ELP4: variants seen among roughly 807,000 people sequenced by gnomAD.
ELP4 encodes the protein elongator acetyltransferase complex subunit 4.
Under a neutral mutation model 48.9 loss-of-function variants are expected in ELP4, and 51 were observed. The ratio of observed to expected loss-of-function variants is 1.04; its 90% CI spans 0.83 to 1.32. ELP4 has a LOEUF of 1.32. ELP4 is among the 40% of genes most tolerant of loss of function. The pLI is 0.00. For synonymous variants in ELP4, 210 were observed against 189.2 expected (o/e 1.11, Z -0.90); for missense variants, 519 against 514.6 (o/e 1.01, Z -0.08).
chr11:31,652,462 T>A (rs1239754098), intron 9 of ELP4: 4 of 151,680 alleles, frequency 2.6e-5, no homozygotes, highest in Non-Finnish European at 4.4e-5. Context: ...GTCTTTGTAA[T>A]ATATTAAAGA....
intron 3 of ELP4, among the ~76,000 whole-genome samples, chr11:31,587,592 C>T (rs925382525): frequency 6.6e-6 from 1 of 151,926 alleles, no homozygotes; most frequent in Admixed American, 6.6e-5. Context: ...TTGATCAGTT[C>T]AATAGTTCTT....
At chr11:31,580,955 A>G (rs985122740) in intron 3 of ELP4, among the ~76,000 whole-genome samples, 8 of 152,192 alleles carry the variant, frequency 5.3e-5, no homozygotes, top group African/African-American at 1.9e-4. Flanking sequence ...AAGTGTGTAC[A>G]TGATGACAAT....
At chr11:31,674,991 G>A (rs943396991) in intron 9 of ELP4, among the ~76,000 whole-genome samples, 1 of 151,794 alleles carries the variant, frequency 6.6e-6, no homozygotes, top group Non-Finnish European at 1.5e-5. Context: ...TGTACACAAC[G>A]TGGCAGTAAC....
intron 5 of ELP4, among the ~76,000 whole-genome samples, chr11:31,610,062 T>G (rs1957948506): frequency 6.6e-6 from 1 of 151,638 alleles, no homozygotes; most frequent in African/African-American, 2.4e-5. Flanking sequence ...AACAGAAAAT[T>G]TACACTCACA....
chr11:31,668,721 T>TGTGTGTGTGTGTGTGTG (rs1565103640), intron 9 of ELP4, among the ~76,000 whole-genome samples: 5 of 92,594 alleles, frequency 5.4e-5, no homozygotes, highest in South Asian at 4.3e-4. Flanking sequence ...TGTGTGTGTG[T>TGTGTGTGTGTGTGTGTG]AAGAACCCTG....
rs184578455 is a variant in ELP4 at position 31,694,716 on chromosome 11, A to G, written c.1143+44495A>G. On this transcript the variant is annotated intron_variant, in intron 9 of 9. Coordinates refer to ENST00000640961, the MANE Select transcript of ELP4 (RefSeq NM_019040.5). ...CTGTGAAGAAAGTCATTGGTAGCTT[A>G]ATGGGGATGGCATTGACTATAAATT... Among the ~76,000 whole-genome samples, 634 of 152,200 alleles carry G rather than the reference A, an allele frequency of 4.2e-3. 3 individuals are homozygous for G. The highest frequency in any genetic ancestry group is 0.015 in the African/African-American group (603 of 41,558).
At position 31,682,167 on chromosome 11, in the gene ELP4, A is replaced by G. The variant is rs556566458; in HGVS notation, c.1143+31946A>G. On this transcript the variant is annotated intron_variant, in intron 9 of 9. Transcript: ENST00000640961. ...TTTCAGCCAAGCTATTGACAAATCT[A>G]AGAGAGATTTAAGTGAAGAGCTGTA... 5.3e-5 allele frequency: 54 copies of G among 1,026,026 alleles called. No individual in the cohort carries two copies. In the African/African-American group the frequency reaches 7.2e-4, roughly 14 times the overall value. 63.6% of individuals were successfully genotyped at this position (1,026,026 alleles called of 1,614,324 possible).
At chr11:31,546,107 A>C (rs531130622) in intron 3 of ELP4, among the ~76,000 whole-genome samples, 15 of 152,140 alleles carry the variant, frequency 9.9e-5, no homozygotes, top group Non-Finnish European at 2.2e-4. Context: ...TAACATTATA[A>C]TGACAGGTTC....
At chr11:31,570,767 T>A (rs1296544828) in intron 3 of ELP4, among the ~76,000 whole-genome samples, 1 of 146,592 alleles carries the variant, frequency 6.8e-6, no homozygotes, top group African/African-American at 2.5e-5. Context: ...CGTGAGCCAT[T>A]GTGCCTGGCC....
intron 1 of ELP4, chr11:31,510,398 A>G (rs1435642116): frequency 1.2e-5 from 5 of 416,080 alleles, no homozygotes; most frequent in Non-Finnish European, 2.1e-5. Flanking sequence ...CAGCCTGCAA[A>G]AGTTTTTATA....
intron 3 of ELP4, among the ~76,000 whole-genome samples, chr11:31,540,521 A>G (rs1222604994): frequency 1.3e-5 from 2 of 152,136 alleles, no homozygotes; most frequent in African/African-American, 2.4e-5. Context: ...AGGTCTCACT[A>G]TGTTGCCAGA....
At chr11:31,628,704 C>T (rs1219179501) in intron 6 of ELP4, among the ~76,000 whole-genome samples, 2 of 151,658 alleles carry the variant, frequency 1.3e-5, no homozygotes, top group Non-Finnish European at 2.9e-5. Context: ...ATGGTGAATA[C>T]CAAAACTTTT....
At chr11:31,675,463 C>G (rs1945902932) in intron 9 of ELP4, among the ~76,000 whole-genome samples, 1 of 152,032 alleles carries the variant, frequency 6.6e-6, no homozygotes, top group Non-Finnish European at 1.5e-5. Flanking sequence ...AGGGTTTCTC[C>G]ATGTTGAGGC....
At chr11:31,733,866 G>A (rs191498945) in intron 9 of ELP4, among the ~76,000 whole-genome samples, 3 of 152,104 alleles carry the variant, frequency 2.0e-5, no homozygotes, top group East Asian at 3.9e-4. Context: ...TTCATTTTAT[G>A]AGGCCAGCAT....
chr11:31,575,886 C>T (rs1259104662), intron 3 of ELP4, among the ~76,000 whole-genome samples: 2 of 152,070 alleles, frequency 1.3e-5, no homozygotes, highest in East Asian at 1.9e-4. Context: ...CATTAACTAA[C>T]GAGCAAAATA....
chr11:31,749,336 A>T (rs767830060), intron 9 of ELP4, among the ~76,000 whole-genome samples: 29 of 152,366 alleles, frequency 1.9e-4, no homozygotes, highest in Admixed American at 5.2e-4. Flanking sequence ...GAGACACGTA[A>T]AAGTCCCTTT....
In ELP4 at chr11:31,588,097, A is replaced by G. The variant is rs116905907; in HGVS notation, c.382-6673A>G. On this transcript the variant is annotated intron_variant, in intron 3 of 9. Transcript: ENST00000640961. ...GGATTTTTAAAAATTTGCATAAACTATCATATTGTTTATGTTATACTCCAC... is the reference window on the plus strand; with the variant it reads ...GGATTTTTAAAAATTTGCATAAACTGTCATATTGTTTATGTTATACTCCAC... Among the ~76,000 whole-genome samples the G allele has an allele frequency of 7.1e-3, 1,084 of 152,276 alleles. 5 individuals carry two copies. The highest frequency in any genetic ancestry group is 9.8e-3 in the Non-Finnish European group (666 of 68,006).
At chr11:31,732,669 T>G (rs1226187976) in intron 9 of ELP4, among the ~76,000 whole-genome samples, 1 of 152,122 alleles carries the variant, frequency 6.6e-6, no homozygotes, top group South Asian at 2.1e-4. Context: ...CTACAAGAGA[T>G]TCACTTAGAT....
intron 5 of ELP4, among the ~76,000 whole-genome samples, chr11:31,619,292 G>A (rs1233922197): frequency 6.6e-6 from 1 of 151,994 alleles, no homozygotes; most frequent in Non-Finnish European, 1.5e-5. Flanking sequence ...TAGGAGTTTA[G>A]TTAGTTCACA....
Sources: gnomAD v4.1 joint callset for allele counts (sites outside exome capture counted in the v4.1 genomes callset) on GRCh38, gnomAD v4.1.1 for gene constraint, MANE v1.5 for transcripts, NCBI Gene and HGNC (gene_info 2026-07-23, HGNC 2026-07-21) for gene names.